Variants in NALF1 observed in about 807,000 individuals in gnomAD.
NALF1 encodes NALCN channel auxiliary factor 1.
A neutral mutation model predicts 48.4 loss-of-function variants in NALF1; 3 were observed. The ratio of observed to expected loss-of-function variants is 0.06; its 90% CI spans 0.03 to 0.16. NALF1 has a LOEUF of 0.16. Among genes scored for constraint, NALF1 ranks in the 10% least tolerant of loss-of-function variants. The pLI, the probability that NALF1 is intolerant of heterozygous loss-of-function variation, is 1.00. For synonymous variants in NALF1, 262 were observed against 245.7 expected (o/e 1.07, Z -0.62); for missense variants, 526 against 571.5 (o/e 0.92, Z 0.81).
intron 1 of NALF1, among the ~76,000 whole-genome samples, chr13:107,604,674 A>G (rs181018021): frequency 1.3e-3 from 201 of 152,296 alleles, no homozygotes; most frequent in African/African-American, 4.6e-3. Context: ...AATATTCCAT[A>G]ATGTCTTTAT....
intron 1 of NALF1, among the ~76,000 whole-genome samples, chr13:107,261,737 G>A (rs996338826): frequency 7.2e-5 from 11 of 152,264 alleles, no homozygotes; most frequent in African/African-American, 2.4e-4. Flanking sequence ...GAGAACAGGG[G>A]CAGTAGCCAC....
At chr13:107,851,798 G>GT (rs1880321002) in intron 1 of NALF1, among the ~76,000 whole-genome samples, 1 of 109,838 alleles carries the variant, frequency 9.1e-6, no homozygotes, top group Non-Finnish European at 1.9e-5. Context: ...GGCTTTACAG[G>GT]CCCTTTCTTT....
intron 1 of NALF1, among the ~76,000 whole-genome samples, chr13:107,272,065 A>AAGT (rs1447831602): frequency 6.6e-6 from 1 of 151,814 alleles, no homozygotes; most frequent in Non-Finnish European, 1.5e-5. Flanking sequence ...AATAAGCATA[A>AAGT]AGTACATGCA....
At chr13:107,528,433 T>C (rs888369557) in intron 1 of NALF1, among the ~76,000 whole-genome samples, 2 of 152,152 alleles carry the variant, frequency 1.3e-5, no homozygotes, top group African/African-American at 4.8e-5. Flanking sequence ...GATTAAAACA[T>C]GTCCCTTTAA....
chr13:107,770,880 C>T (rs1269857827), intron 1 of NALF1, among the ~76,000 whole-genome samples: 3 of 152,040 alleles, frequency 2.0e-5, no homozygotes, highest in African/African-American at 7.2e-5. Context: ...GTTTTCTTTG[C>T]TTCTGGCAAT....
At chr13:107,559,992 T>G (rs894386745) in intron 1 of NALF1, among the ~76,000 whole-genome samples, 1 of 151,906 alleles carries the variant, frequency 6.6e-6, no homozygotes, top group Non-Finnish European at 1.5e-5. Context: ...GAGGCGGAGA[T>G]CTTCCCAAGG....
At chr13:107,733,681 CAGAA>C (rs1435736538) in intron 1 of NALF1, among the ~76,000 whole-genome samples, 1 of 151,992 alleles carries the variant, frequency 6.6e-6, no homozygotes, top group African/African-American at 2.4e-5. Flanking sequence ...AAACCAATGA[CAGAA>C]AGAACTAGTA....
At chr13:107,585,800 T>C (rs1268600073) in intron 1 of NALF1, among the ~76,000 whole-genome samples, 2 of 152,106 alleles carry the variant, frequency 1.3e-5, no homozygotes, top group Non-Finnish European at 2.9e-5. Context: ...ACATACCAAT[T>C]TCATAAACAC....
chr13:107,722,451 A>G (rs2138528637), intron 1 of NALF1, among the ~76,000 whole-genome samples: 1 of 152,236 alleles, frequency 6.6e-6, no homozygotes, highest in East Asian at 1.9e-4. Context: ...GAGGAGCCTC[A>G]GGTACTTCCT....
At position 107,550,045 on chromosome 13, in the gene NALF1, T is replaced by C. The variant is rs559482682; in HGVS notation, c.915+315637A>G. ...GTCTGATGTTTCTTCATCAGACAAA[T>C]GATGACCCATAATCGCTTAAGTAAA... On this transcript the variant is annotated intron_variant, in intron 1 of 2. Coordinates refer to ENST00000375915, the MANE Select transcript of NALF1 (RefSeq NM_001080396.3). 2.6e-5 allele frequency among the ~76,000 whole-genome samples: 4 copies of C among 152,308 alleles called. No individual in the cohort carries two copies. In the East Asian group the frequency reaches 7.7e-4, roughly 29 times the overall value.
chr13:107,698,206 T>C (rs1215786429), intron 1 of NALF1, among the ~76,000 whole-genome samples: 1 of 152,198 alleles, frequency 6.6e-6, no homozygotes, highest in Non-Finnish European at 1.5e-5. Flanking sequence ...TTCCCACTTT[T>C]TGTTACCAAA....
intron 1 of NALF1, among the ~76,000 whole-genome samples, chr13:107,400,812 A>G (rs1184857404): frequency 2.6e-5 from 4 of 152,190 alleles, no homozygotes; most frequent in African/African-American, 7.2e-5. Flanking sequence ...AGAATATCCT[A>G]AAGTCTTTTG....
intron 1 of NALF1, among the ~76,000 whole-genome samples, chr13:107,221,830 G>C (rs1032632090): frequency 6.6e-5 from 10 of 152,160 alleles, no homozygotes; most frequent in African/African-American, 2.4e-4. Context: ...TTCTATACCA[G>C]TTATGCAGAG....
intron 1 of NALF1, among the ~76,000 whole-genome samples, chr13:107,516,112 A>G (rs1204054434): frequency 6.6e-6 from 1 of 152,224 alleles, no homozygotes; most frequent in African/African-American, 2.4e-5. Flanking sequence ...TTAACTGGAA[A>G]GGTTGAAGCT....
intron 1 of NALF1, among the ~76,000 whole-genome samples, chr13:107,607,614 A>AG (rs1176188180): frequency 6.6e-6 from 1 of 152,150 alleles, no homozygotes; most frequent in Non-Finnish European, 1.5e-5. Context: ...CCACTTAGGA[A>AG]GCCCTCACTC....
intron 1 of NALF1, among the ~76,000 whole-genome samples, chr13:107,382,747 T>C (rs149805458): frequency 6.6e-6 from 1 of 152,214 alleles, no homozygotes; most frequent in Non-Finnish European, 1.5e-5. Context: ...TTTGGTAAAA[T>C]GCCCCCCACT....
chr13:107,516,070 CA>C (rs1464575562), intron 1 of NALF1, among the ~76,000 whole-genome samples: 2 of 152,070 alleles, frequency 1.3e-5, no homozygotes, highest in Admixed American at 1.3e-4. Flanking sequence ...GGAAAATGTT[CA>C]CTGGGGGTTT....
intron 1 of NALF1, among the ~76,000 whole-genome samples, chr13:107,459,501 A>G (rs1248126633): frequency 6.6e-6 from 1 of 152,176 alleles, no homozygotes; most frequent in Non-Finnish European, 1.5e-5. Flanking sequence ...GCATAAAAAC[A>G]TAAGAAAAAA....
At chr13:107,183,619 T>A (rs921532308) in intron 2 of NALF1, among the ~76,000 whole-genome samples, 8 of 152,060 alleles carry the variant, frequency 5.3e-5, no homozygotes, top group Non-Finnish European at 1.2e-4. Flanking sequence ...ATAGGCTGGA[T>A]AAAGAAAATG....
Sources: allele counts gnomAD v4.1 joint callset (sites outside exome capture counted in the v4.1 genomes callset), GRCh38; gene constraint gnomAD v4.1.1; transcripts MANE v1.5; gene names NCBI Gene and HGNC (gene_info 2026-07-23, HGNC 2026-07-21).